The following TECTA variants were observed in gnomAD, a reference collection of about 807,000 sequenced individuals.
TECTA encodes tectorin alpha.
A neutral mutation model predicts 216.8 loss-of-function variants in TECTA; 128 were observed. That is an observed-to-expected ratio of 0.59 (90% CI 0.51 to 0.68). The LOEUF (loss-of-function observed/expected upper bound fraction) is 0.68. Ranked by LOEUF, TECTA falls within the 30% of genes least tolerant of loss-of-function variation. TECTA has a pLI of 0.00. For missense variants in TECTA, 2,551 were observed against 2,786.2 expected (o/e 0.92, Z 1.90); for synonymous variants, 1,089 against 1,117.1 (o/e 0.97, Z 0.50).
intron 6 of TECTA, among the ~76,000 whole-genome samples, chr11:121,114,088 T>G (rs1023075791): frequency 6.6e-6 from 1 of 152,190 alleles, no homozygotes; most frequent in Non-Finnish European, 1.5e-5. Flanking sequence ...CTTTATGTTT[T>G]TCTTCTCATC....
chr11:121,155,325 T>A (rs748501711), intron 13 of TECTA, among the ~76,000 whole-genome samples: 2 of 152,206 alleles, frequency 1.3e-5, no homozygotes, highest in Non-Finnish European at 1.5e-5. Context: ...TTTTTCTCTT[T>A]TCACCACTGT....
intron 6 of TECTA, among the ~76,000 whole-genome samples, chr11:121,117,942 G>A (rs1204731725): frequency 1.3e-5 from 2 of 152,220 alleles, no homozygotes. Flanking sequence ...TCCTTCGGAA[G>A]GAAAGGCAGG....
intron 4 of TECTA, chr11:121,110,823 A>G (rs1387639679): frequency 6.6e-6 from 1 of 152,232 alleles, no homozygotes; most frequent in Non-Finnish European, 1.5e-5. Context: ...TCTGGCTTAT[A>G]CTTTGGAGTA....
At chr11:121,178,011 T>G (rs577884474) in intron 20 of TECTA, among the ~76,000 whole-genome samples, 2 of 152,348 alleles carry the variant, frequency 1.3e-5, no homozygotes, top group Admixed American at 6.5e-5. Context: ...CCTGATGCGC[T>G]GTTTTTTAAG....
intron 7 of TECTA, among the ~76,000 whole-genome samples, chr11:121,122,682 AAAAAAAAAAAAG>A (rs1946569775): frequency 6.9e-6 from 1 of 143,902 alleles, no homozygotes; most frequent in Non-Finnish European, 1.5e-5. Context: ...CAAAAAAAAA[AAAAAAAAAAAAG>A]AAAGCCAAAA....
Position 121,113,718 on chromosome 11 carries a change from G to C in TECTA, c.790G>C (p.Gly264Arg). Residue 264 changes from glycine to arginine, a missense_variant and splice_region_variant, in exon 6 of 24, where the codon GGA becomes CGA. Coordinates refer to ENST00000392793, the MANE Select transcript of TECTA (RefSeq NM_005422.4). This position sits in a 1 kb window ranked among gnomAD's most constrained non-coding sequence, Gnocchi z 4.2. ...CCCAGCCAATGGCTGCACCTCAAGG[G>C]GTAAAGCTTTTCCTCTGTCTGTGGC... ...IDPANGCTSR[G>R]QFLRRGEVFW... 6.2e-7 allele frequency: 1 copy of C among 1,613,328 alleles called. No homozygotes were observed. The highest frequency in any genetic ancestry group is 2.2e-5 in the East Asian group (1 of 44,866).
chr11:121,144,307 C>T lies in TECTA; in HGVS notation c.3544-1248C>T, dbSNP rs148336740. On this transcript the variant is annotated intron_variant, in intron 11 of 23. Coordinates refer to ENST00000392793, the MANE Select transcript of TECTA (RefSeq NM_005422.4). The stretch of plus-strand genomic sequence containing the variant: ...CTTTCAATTGCATTAAGATTATTGG[C>T]GTGGCGGTAGTGACTGAATGGAGGG... 9.5e-3 allele frequency among the ~76,000 whole-genome samples: 1,448 copies of T among 152,134 alleles called. 27 individuals are homozygous for T. Among genetic ancestry groups the T allele is most frequent in the African/African-American group, 0.03 (1,262 of 41,478 alleles).
At position 121,113,720 on chromosome 11, in the gene TECTA, T is replaced by G. The variant is rs1565518284; in HGVS notation, c.790+2T>G. 2 of 1,613,258 alleles carry G rather than the reference T, an allele frequency of 1.2e-6. No homozygotes were observed. Among genetic ancestry groups the G allele is most frequent in the Non-Finnish European group, 8.5e-7 (1 of 1,179,976 alleles). On this transcript the variant is annotated splice_donor_variant, in intron 6 of 23. Coordinates refer to ENST00000392793, the MANE Select transcript of TECTA (RefSeq NM_005422.4). LOFTEE classifies it high-confidence loss of function. The surrounding 1 kb of genome is among the most constrained non-coding windows in gnomAD (Gnocchi z 4.2). Reference sequence around the variant, plus strand: ...CAGCCAATGGCTGCACCTCAAGGGGTAAAGCTTTTCCTCTGTCTGTGGCAA... The same window carrying G: ...CAGCCAATGGCTGCACCTCAAGGGGGAAAGCTTTTCCTCTGTCTGTGGCAA...
At chr11:121,108,636 T>C (rs1413245345) in intron 3 of TECTA, among the ~76,000 whole-genome samples, 6 of 130,406 alleles carry the variant, frequency 4.6e-5, no homozygotes, top group Non-Finnish European at 7.9e-5. Context: ...CACCCCAGAA[T>C]ACACACACAA....
At chr11:121,132,969 T>C (rs1038901704) in intron 10 of TECTA, among the ~76,000 whole-genome samples, 3 of 152,154 alleles carry the variant, frequency 2.0e-5, no homozygotes, top group African/African-American at 7.2e-5. Flanking sequence ...CCTGACCTCG[T>C]GATCCACCCA....
chr11:121,149,261 G>A (rs753145182), intron 12 of TECTA, among the ~76,000 whole-genome samples: 15 of 152,216 alleles, frequency 9.9e-5, no homozygotes, highest in African/African-American at 1.4e-4. Flanking sequence ...GTCAACCAGT[G>A]CCTAACATGT....
At position 121,160,233 on chromosome 11, in the gene TECTA, C is replaced by T. The variant is rs150561147; in HGVS notation, c.4788C>T (p.Ile1596=). The T allele has an allele frequency of 1.7e-4, 276 of 1,614,150 alleles. No individual in the cohort carries two copies. The African/African-American group carries it at 3.3e-3, about 19-fold the overall frequency. ...GFLVIDTSPD[I]QIYYNGFNVI... ...TGGTGATTGACACCAGCCCAGACAT[C>T]CAGATATACTACAATGGTTTCAACG... is the stretch of plus-strand genomic sequence containing the variant. Residue 1596 remains isoleucine, a synonymous_variant, in exon 15 of 24, where the codon ATC becomes ATT. Transcript: ENST00000392793.
chr11:121,125,937 G>T (rs1946607634), intron 8 of TECTA, 65 bp downstream of exon 8: 1 of 1,557,382 alleles, frequency 6.4e-7, no homozygotes, highest in Non-Finnish European at 8.7e-7. Flanking sequence ...AGGCTTTGGG[G>T]GCTCCTCCAA....
At chr11:121,150,848 G>A (rs1009222221) in intron 12 of TECTA, among the ~76,000 whole-genome samples, 1 of 151,988 alleles carries the variant, frequency 6.6e-6, no homozygotes, top group East Asian at 1.9e-4. Flanking sequence ...GTTTCACCAT[G>A]TTGGCCAGGA....
intron 20 of TECTA, among the ~76,000 whole-genome samples, chr11:121,180,205 T>C (rs1331425652): frequency 6.6e-6 from 1 of 152,140 alleles, no homozygotes; most frequent in African/African-American, 2.4e-5. Flanking sequence ...GTTTTGTGTA[T>C]ATGATCTGCC....
At chr11:121,148,880 G>A (rs145083428) in intron 12 of TECTA, among the ~76,000 whole-genome samples, 203 of 152,354 alleles carry the variant, frequency 1.3e-3, no homozygotes, top group African/African-American at 4.5e-3. Context: ...AAGTTAAATT[G>A]TCTTAATTAC....
At chr11:121,109,693 A>G (rs1946425131) in intron 4 of TECTA, 195 bp downstream of exon 4, 2 of 637,132 alleles carry the variant, frequency 3.1e-6, no homozygotes, top group Non-Finnish European at 5.4e-6. Context: ...CAGCTGTAAT[A>G]TTTCAGAAGA....
intron 11 of TECTA, among the ~76,000 whole-genome samples, chr11:121,141,503 G>A (rs1946783321): frequency 4.6e-5 from 7 of 152,204 alleles, no homozygotes; most frequent in Admixed American, 4.6e-4. Flanking sequence ...ACCAGACAGG[G>A]TAGGGGGGTG....
chr11:121,122,672 C>CAAAAAAA (rs33994765), intron 7 of TECTA, among the ~76,000 whole-genome samples: 2 of 48,922 alleles, frequency 4.1e-5, no homozygotes, highest in African/African-American at 1.0e-4. Context: ...CCTGTCTCTC[C>CAAAAAAA]AAAAAAAAAA....
Sources: allele counts gnomAD v4.1 joint callset (sites outside exome capture counted in the v4.1 genomes callset), GRCh38; gene constraint gnomAD v4.1.1; non-coding constraint Gnocchi (gnomAD v3.1); transcripts MANE v1.5; gene names NCBI Gene and HGNC (gene_info 2026-07-23, HGNC 2026-07-21).